Variants in PFKP observed in about 807,000 individuals in gnomAD.
PFKP encodes the protein ATP-dependent 6-phosphofructokinase, platelet type.
A neutral mutation model predicts 94.3 loss-of-function variants in PFKP; 101 were observed. The observed-to-expected ratio is 1.07, with a 90% confidence interval of 0.91 to 1.26. The LOEUF is 1.26. PFKP is among the 50% of genes most tolerant of loss of function. The probability of loss-of-function intolerance (pLI) is 0.00; values close to 1 mark genes in which losing one functional copy is unlikely to be tolerated. For synonymous variants in PFKP, 573 were observed against 432.6 expected (o/e 1.32, Z -4.03); for missense variants, 1,145 against 1,103.3 (o/e 1.04, Z -0.53).
chr10:3,121,628 G>C (rs1837417352), intron 16 of PFKP, among the ~76,000 whole-genome samples: 1 of 146,618 alleles, frequency 6.8e-6, no homozygotes. Flanking sequence ...CAAATGCATA[G>C]GGTCAAATTT....
chr10:3,073,882 G>A (rs1363807490), intron 1 of PFKP, among the ~76,000 whole-genome samples: 1 of 152,084 alleles, frequency 6.6e-6, no homozygotes, highest in Non-Finnish European at 1.5e-5. Context: ...CTCTTGCCCA[G>A]CCTGGAGTGC....
chr10:3,068,749 C>A (rs1166417505), intron 1 of PFKP: 11 of 968,334 alleles, frequency 1.1e-5, no homozygotes, highest in African/African-American at 1.8e-5. Context: ...GCGGGTAGAT[C>A]GGCGCTTCCC....
chr10:3,102,172 A>C (rs1213356493), intron 4 of PFKP, among the ~76,000 whole-genome samples: 21 of 132,460 alleles, frequency 1.6e-4, no homozygotes, highest in Non-Finnish European at 1.9e-4. Flanking sequence ...AATGGCGTGA[A>C]CCCGGGAGGC....
chr10:3,115,609 G>GCCACGGAGAACAGGACTGGGGA (rs1836766368), intron 13 of PFKP, among the ~76,000 whole-genome samples: 1 of 151,808 alleles, frequency 6.6e-6, no homozygotes, highest in Admixed American at 6.6e-5. Flanking sequence ...TGTGTGTCCC[G>GCCACGGAGAACAGGACTGGGGA]TGGCCAAGAA....
chr10:3,090,555 C>T (rs1053264995), intron 2 of PFKP, among the ~76,000 whole-genome samples: 1 of 152,072 alleles, frequency 6.6e-6, no homozygotes, highest in African/African-American at 2.4e-5. Flanking sequence ...AGAGGCTCAG[C>T]CCCCTCCCCG....
At chr10:3,113,078 G>A (rs376752687) in intron 11 of PFKP, 41 bp from the exon 12 acceptor site, 65 of 1,576,518 alleles carry the variant, frequency 4.1e-5, no homozygotes, top group African/African-American at 1.3e-4. Flanking sequence ...AGTTGTGTCC[G>A]GTATTCTCGA....
intron 16 of PFKP, among the ~76,000 whole-genome samples, chr10:3,128,220 CA>C (rs1588560015): frequency 6.6e-6 from 1 of 152,208 alleles, no homozygotes; most frequent in African/African-American, 2.4e-5. Context: ...AAGCCCAGCC[CA>C]CAGTTCCTGT....
intron 1 of PFKP, among the ~76,000 whole-genome samples, chr10:3,080,992 G>A (rs1254664852): frequency 1.3e-5 from 2 of 152,168 alleles, no homozygotes; most frequent in African/African-American, 2.4e-5. Flanking sequence ...TGCTGAGTTT[G>A]ATGTTCTTGA....
At chr10:3,124,388 A>T (rs545924141) in intron 16 of PFKP, among the ~76,000 whole-genome samples, 1 of 151,214 alleles carries the variant, frequency 6.6e-6, no homozygotes, top group East Asian at 1.9e-4. Context: ...AGTCTGAAAA[A>T]CCCCGGTGTA....
At chr10:3,094,209 G>A (rs1834302856) in intron 2 of PFKP, among the ~76,000 whole-genome samples, 1 of 152,216 alleles carries the variant, frequency 6.6e-6, no homozygotes, top group East Asian at 1.9e-4. Context: ...CTCTACAGGG[G>A]AGGAAGGGCG....
intron 1 of PFKP, among the ~76,000 whole-genome samples, chr10:3,071,133 C>T (rs1220464577): frequency 1.3e-5 from 2 of 152,026 alleles, no homozygotes; most frequent in Admixed American, 6.6e-5. Flanking sequence ...GAGCAAAACC[C>T]GATTTGCCCA....
chr10:3,101,499 G>C lies in PFKP; in HGVS notation c.399G>C (p.Gly133=). 1 of 1,596,554 alleles carries C rather than the reference G, an allele frequency of 6.3e-7. No individual in the cohort carries two copies. Among genetic ancestry groups the C allele is most frequent in the South Asian group, 1.1e-5 (1 of 88,664 alleles). ...CVIGGDGSLT[G]ANLFRKEWSG... ...TCGGCGGGGACGGGAGCCTCACCGG[G>C]GCCAACCTCTTCCGGAAGGAGTGGA... is the stretch of plus-strand genomic sequence containing the variant. The change falls in exon 4 of 22, where the codon GGG becomes GGC. Residue 133 remains glycine (G), a synonymous_variant. Transcript: ENST00000381125.
rs1564303229 is a variant in PFKP at position 3,103,810 on chromosome 10, CGCCT to C, written c.487_490del (p.Ala163ThrfsTer20). ...TCGATAAGGAGGCCGTGCAGAAGTA[CGCCT>C]ACCTCAACGTGGTGGGCATGGTGGG... On this transcript the variant is annotated frameshift_variant, in exon 5 of 22. Coordinates refer to ENST00000381125, the MANE Select transcript of PFKP (RefSeq NM_002627.5). LOFTEE classifies it high-confidence loss of function. 2.5e-6 allele frequency: 4 copies of C among 1,613,954 alleles called. No individual in the cohort carries two copies. Among genetic ancestry groups the C allele is most frequent in the Non-Finnish European group, 3.4e-6 (4 of 1,180,032 alleles).
chr10:3,079,421 A>C (rs1383563516), intron 1 of PFKP, among the ~76,000 whole-genome samples: 1 of 151,894 alleles, frequency 6.6e-6, no homozygotes, highest in Non-Finnish European at 1.5e-5. Context: ...TTTTTAGTAG[A>C]GACGGGGTTT....
At chr10:3,125,215 T>A (rs771543701) in intron 16 of PFKP, 3 of 1,346,556 alleles carry the variant, frequency 2.2e-6, no homozygotes, top group South Asian at 2.4e-5. Flanking sequence ...GAAATAAGCC[T>A]GGGCTCCGAC....
At chr10:3,135,016 G>A (rs573305233) in intron 20 of PFKP, among the ~76,000 whole-genome samples, 12 of 151,766 alleles carry the variant, frequency 7.9e-5, no homozygotes, top group South Asian at 2.1e-4. Flanking sequence ...CTGCATGTTC[G>A]TAGAACTGTG....
chr10:3,074,601 G>A (rs761597337), intron 1 of PFKP, among the ~76,000 whole-genome samples: 4 of 152,200 alleles, frequency 2.6e-5, no homozygotes, highest in Non-Finnish European at 5.9e-5. Context: ...GACACATCCC[G>A]CCAAGGGGAC....
intron 4 of PFKP, 62 bp downstream of exon 4, chr10:3,101,616 G>T: frequency 8.2e-7 from 1 of 1,217,364 alleles, no homozygotes; most frequent in South Asian, 1.6e-5. Flanking sequence ...CTTTGGAACC[G>T]ACAGGTTTCC....
At chr10:3,079,667 GGGGGGGGAAGAGGAGCAGGGGTGA>G in intron 1 of PFKP, among the ~76,000 whole-genome samples, 1 of 122,400 alleles carries the variant, frequency 8.2e-6, no homozygotes, top group East Asian at 2.8e-4. Flanking sequence ...CGGGGTGGGG[GGGGGGGGAAGAGGAGCAGGGGTGA>G]GGGGCCGCCA....
Sources: allele counts gnomAD v4.1 joint callset (sites outside exome capture counted in the v4.1 genomes callset), GRCh38; gene constraint gnomAD v4.1.1; transcripts MANE v1.5; gene names NCBI Gene and HGNC (gene_info 2026-07-23, HGNC 2026-07-21).